The following TEPSIN variants were observed in gnomAD, a reference collection of about 807,000 sequenced individuals.
The protein encoded by TEPSIN is TEPSIN adaptor related protein complex 4 accessory protein.
A neutral mutation model predicts 48.5 loss-of-function variants in TEPSIN; 50 were observed. That is an observed-to-expected ratio of 1.03 (90% CI 0.82 to 1.31). The LOEUF is 1.31. Among genes scored for constraint, TEPSIN ranks in the 50% most tolerant of loss-of-function variants. TEPSIN has a pLI of 0.00. For synonymous variants in TEPSIN, 392 were observed against 358.8 expected, an observed-to-expected ratio of 1.09 and a Z score of -1.05; for missense variants, 838 against 815.9, an observed-to-expected ratio of 1.03 and a Z score of -0.33.
rs116064505 is a variant in TEPSIN, at chr17:81,229,148, G to T, written c.1562C>A (p.Thr521Lys). The T allele has an allele frequency of 1.7e-3, 2,698 of 1,612,550 alleles. 42 individuals are homozygous for T. The African/African-American group carries it at 0.031, about 19-fold the overall frequency. ...GCTGGGGCCTCTCTTTGGGCTGTCC[G>T]TGCCCCCTGGGATCCGTTCAGGTCT... ...RWRPERIPGG[T>K]DSPKRGPSSC... Residue 521 changes from threonine to lysine, a missense_variant, in exon 13 of 13, where the codon ACG (threonine) becomes AAG (lysine). Transcript: ENST00000637944.
At position 81,228,946 on chromosome 17, in the gene TEPSIN, G is replaced by A. The variant is rs768248268; in HGVS notation, c.1764C>T (p.Phe588=). 1.4e-5 allele frequency: 22 copies of A among 1,613,522 alleles called. No homozygotes were observed. The highest frequency in any genetic ancestry group is 6.7e-5 in the East Asian group (3 of 44,888). Residue 588 remains phenylalanine (F), a synonymous_variant, in exon 13 of 13, where the codon TTC becomes TTT. Transcript: ENST00000637944. ...KEPPGSEPSA[F]AFLNA ...CATCGGGTCAGGCGTTCAGGAACGC[G>A]AAAGCTGACGGCTCTGAGCCAGGAG...
intron 1 of TEPSIN, 48 bp from the exon 2 acceptor site, chr17:81,237,507 A>C: frequency 6.4e-7 from 1 of 1,561,570 alleles, no homozygotes; most frequent in East Asian, 2.3e-5. Flanking sequence ...CATTTCCCAC[A>C]GGGGTGAATC....
chr17:81,231,657 C>T lies in TEPSIN; in HGVS notation c.940G>A (p.Glu314Lys), dbSNP rs1424198820. ...EVVALSDCQQ[E>K]LSLVRTVTRG... ...GTCACAGTCCTCACCAAGCTCAACT[C>T]CTGCTGACAGTCACTCAGGGCCACC... Residue 314 changes from glutamate to lysine, a missense_variant, in exon 10 of 13, where the codon GAG becomes AAG. Physicochemically the swap from Glu to Lys is moderately conservative, Grantham distance 56 (BLOSUM62 1). Coordinates refer to ENST00000637944, the MANE Select transcript of TEPSIN (RefSeq NM_001363764.2). The T allele has an allele frequency of 3.7e-6, 6 of 1,613,174 alleles. No homozygotes were observed. The South Asian group carries it at 6.6e-5, about 18-fold the overall frequency.
In TEPSIN at chr17:81,236,524, T is replaced by C. The variant is rs933058146; in HGVS notation, c.307+184A>G. On this transcript the variant is annotated intron_variant, in intron 4 of 12. Coordinates refer to ENST00000637944, the MANE Select transcript of TEPSIN (RefSeq NM_001363764.2). ...GGGAGGCCGAGCCGGCCAGCTGGGG[T>C]GAGGGTGGGCAGCAGGTGGAGAGGC... The C allele has an allele frequency of 1.5e-5, 10 of 667,608 alleles. No homozygotes were observed. The African/African-American group carries it at 1.8e-4, about 12-fold the overall frequency. 41.4% of individuals were successfully genotyped at this position (667,608 alleles called of 1,614,324 possible).
In TEPSIN at chr17:81,229,082, T is replaced by C; in HGVS notation, c.1628A>G (p.Glu543Gly). ...WSRDSLFAGM[E>G]LVACPRLVGA... ...CACCAGGCGGGGACAGGCCACCAGCTCCATGCCAGCAAACAAGGAGTCGCG... is the reference window on the plus strand; with the variant it reads ...CACCAGGCGGGGACAGGCCACCAGCCCCATGCCAGCAAACAAGGAGTCGCG... The change falls in exon 13 of 13, where the codon GAG (glutamate) becomes GGG (glycine). Residue 543 changes from glutamate to glycine, a missense_variant. Glu to Gly is a moderately conservative substitution (Grantham distance 98). Coordinates refer to ENST00000637944, the MANE Select transcript of TEPSIN (RefSeq NM_001363764.2). 2 of 1,613,428 alleles carry C rather than the reference T, an allele frequency of 1.2e-6. No individual in the cohort carries two copies. The highest frequency in any genetic ancestry group is 1.7e-6 in the Non-Finnish European group (2 of 1,179,934).
chr17:81,231,079 GCACA>G (rs367624653), intron 11 of TEPSIN: 16 of 493,766 alleles, frequency 3.2e-5, no homozygotes, highest in Non-Finnish European at 4.7e-5. Context: ...TCATGTGCAT[GCACA>G]CACACACAGG....
chr17:81,236,600 A>T, intron 4 of TEPSIN, 108 bp downstream of exon 4: 1 of 1,154,330 alleles, frequency 8.7e-7, no homozygotes, highest in Non-Finnish European at 1.2e-6. Context: ...GACCCGGCCC[A>T]GGTGAGGGCT....
intron 7 of TEPSIN, chr17:81,232,779 G>A (rs2062644172): frequency 1.0e-5 from 5 of 476,856 alleles, no homozygotes; most frequent in Non-Finnish European, 1.5e-5. Context: ...CTCTGGGGGT[G>A]AAGGTGTCCT....
intron 3 of TEPSIN, 69 bp from the exon 4 acceptor site, chr17:81,236,870 C>T: frequency 6.5e-7 from 1 of 1,535,626 alleles, no homozygotes. Flanking sequence ...GGCCCGGGGG[C>T]ACCCCAAGGG....
intron 1 of TEPSIN, chr17:81,237,972 G>C: frequency 1.0e-6 from 1 of 1,001,066 alleles, no homozygotes. Context: ...GCTTAGCGCA[G>C]ACGTACTTAT....
intron 12 of TEPSIN, 128 bp from the exon 13 acceptor site, chr17:81,229,604 C>A: frequency 1.0e-6 from 1 of 1,000,306 alleles, no homozygotes; most frequent in Non-Finnish European, 1.5e-6. Flanking sequence ...CTGGGCAGGA[C>A]ACCGGCTGCT....
Position 81,233,620 on chromosome 17 carries a change from G to A in TEPSIN, c.454+18C>T, listed in dbSNP as rs2062664831. Reference sequence around the variant, plus strand: ...AAACCAGGTGCCAGAGCTGGACACGGTCCCCTCAGTCACCTACCTGTGGCA... The same window carrying A: ...AAACCAGGTGCCAGAGCTGGACACGATCCCCTCAGTCACCTACCTGTGGCA... On this transcript the variant is annotated intron_variant, in intron 6 of 12. Coordinates refer to ENST00000637944, the MANE Select transcript of TEPSIN (RefSeq NM_001363764.2). This position sits in a 1 kb window ranked among gnomAD's most constrained non-coding sequence, Gnocchi z 5.8. 4.4e-6 allele frequency: 7 copies of A among 1,590,108 alleles called. No homozygotes were observed. The highest frequency in any genetic ancestry group is 1.8e-5 in the Admixed American group (1 of 55,388).
Position 81,233,797 on chromosome 17 carries a change from C to A in TEPSIN, c.376-81G>T. On this transcript the variant is annotated intron_variant, in intron 5 of 12. Transcript: ENST00000637944. The surrounding 1 kb of genome is among the most constrained non-coding windows in gnomAD (Gnocchi z 5.8). The stretch of plus-strand genomic sequence containing the variant: ...CCCTGCCACCCATATCAGCTCCGTT[C>A]TGTCCCCCGGACACTTCTCCTGAGC... The A allele has an allele frequency of 6.9e-7, 1 of 1,455,378 alleles. No individual in the cohort carries two copies. Among genetic ancestry groups the A allele is most frequent in the Admixed American group, 2.3e-5 (1 of 43,748 alleles). The allele number at this position is 1,455,378 out of a possible 1,614,324, so 90.2% of individuals were successfully genotyped here.
rs747503622 is a variant in TEPSIN, at chr17:81,229,154, C to A, written c.1556G>T (p.Gly519Val). 12 of 1,612,686 alleles carry A rather than the reference C, an allele frequency of 7.4e-6. No individual in the cohort carries two copies. The highest frequency in any genetic ancestry group is 7.6e-6 in the Non-Finnish European group (9 of 1,179,702). ...GCCTCTCTTTGGGCTGTCCGTGCCC[C>A]CTGGGATCCGTTCAGGTCTCCACCG... The part of the protein sequence containing the change: ...SRRWRPERIP[G>V]GTDSPKRGPS... Residue 519 changes from glycine (G) to valine (V), a missense_variant, in exon 13 of 13, where the codon GGG (glycine) becomes GTG (valine). Transcript: ENST00000637944.
In TEPSIN at chr17:81,230,427, G is replaced by C; in HGVS notation, c.1233+117C>G. ...CTGCCAGCGGGACAGGGACTTGAGA[G>C]GGGGTCCGGGAAGGGCTGACCAGGC... On this transcript the variant is annotated intron_variant, in intron 12 of 12. Coordinates refer to ENST00000637944, the MANE Select transcript of TEPSIN (RefSeq NM_001363764.2). The surrounding 1 kb of genome is among the most constrained non-coding windows in gnomAD (Gnocchi z 4.2). The C allele has an allele frequency of 7.0e-7, 1 of 1,418,484 alleles. No individual in the cohort carries two copies. Among genetic ancestry groups the C allele is most frequent in the Non-Finnish European group, 9.5e-7 (1 of 1,053,838 alleles). The allele number at this position is 1,418,484 out of a possible 1,614,324, so 87.9% of individuals were successfully genotyped here.
rs767392535 is a variant in TEPSIN at position 81,231,662 on chromosome 17, T to C, written c.935A>G (p.Gln312Arg). 1.4e-5 allele frequency: 22 copies of C among 1,612,888 alleles called. No individual in the cohort carries two copies. Among genetic ancestry groups the C allele is most frequent in the Non-Finnish European group, 1.9e-5 (22 of 1,179,676 alleles). The stretch of plus-strand genomic sequence containing the variant: ...AGTCCTCACCAAGCTCAACTCCTGC[T>C]GACAGTCACTCAGGGCCACCACCTC... ...RVEVVALSDC[Q>R]QELSLVRTVT... is the part of the protein sequence containing the mutation. The change falls in exon 10 of 13, where the codon CAG becomes CGG. Residue 312 changes from glutamine to arginine, a missense_variant. Physicochemically the swap from Gln to Arg is conservative, Grantham distance 43 (BLOSUM62 1). Transcript: ENST00000637944.
rs758918552 is a variant in TEPSIN at position 81,233,694 on chromosome 17, G to A, written c.398C>T (p.Ser133Leu). 85 of 1,599,666 alleles carry A rather than the reference G, an allele frequency of 5.3e-5. No homozygotes were observed. The East Asian group carries it at 9.0e-4, about 17-fold the overall frequency. ...AAQDLGSTLF[S>L]DTVLPLAPSQ... ...GGGAGCCAGCGGCAACACGGTGTCC[G>A]AGAACAGGGTGCTCCCCAAGTCCTA... Residue 133 changes from serine (S) to leucine (L), a missense_variant, in exon 6 of 13, where the codon TCG becomes TTG. Transcript: ENST00000637944. This position sits in a 1 kb window ranked among gnomAD's most constrained non-coding sequence, Gnocchi z 5.8.
chr17:81,231,891 G>C lies in TEPSIN; in HGVS notation c.861C>G (p.Asp287Glu). ...GCTCCCGGCTGGCCCCTGAATGGCTGTCGCTGCCGGAATGACTGCCCGAGT... is the reference window on the plus strand; with the variant it reads ...GCTCCCGGCTGGCCCCTGAATGGCTCTCGCTGCCGGAATGACTGCCCGAGT... ...VSDSGSHSGSDSHSGASREPG... is the reference protein window; with the variant it reads ...VSDSGSHSGSESHSGASREPG... Residue 287 changes from aspartate (D) to glutamate (E), a missense_variant, in exon 9 of 13, where the codon GAC becomes GAG. Coordinates refer to ENST00000637944, the MANE Select transcript of TEPSIN (RefSeq NM_001363764.2). The C allele has an allele frequency of 1.9e-6, 3 of 1,613,624 alleles. No homozygotes were observed. The highest frequency in any genetic ancestry group is 2.5e-6 in the Non-Finnish European group (3 of 1,180,014).
At chr17:81,232,792 G>A in intron 7 of TEPSIN, 1 of 442,582 alleles carries the variant, frequency 2.3e-6, no homozygotes, top group South Asian at 4.0e-5. Flanking sequence ...GGTGTCCTAA[G>A]GGGCTTGGGC....
Sources: allele counts gnomAD v4.1 joint callset, GRCh38; gene constraint gnomAD v4.1.1; non-coding constraint Gnocchi (gnomAD v3.1); transcripts MANE v1.5; gene names NCBI Gene and HGNC (gene_info 2026-07-23, HGNC 2026-07-21).